SEMA5A: variants seen among roughly 807,000 people sequenced by gnomAD.
SEMA5A encodes the protein semaphorin 5A, also known as semaphorin-5A.
SEMA5A carries 55 observed loss-of-function variants against 135.5 expected under a neutral mutation model. The ratio of observed to expected loss-of-function variants is 0.41; its 90% CI spans 0.33 to 0.51. SEMA5A has a LOEUF of 0.51. Among genes scored for constraint, SEMA5A ranks in the 20% least tolerant of loss-of-function variants. The pLI is 0.37. For synonymous variants in SEMA5A, 580 were observed against 546.5 expected (o/e 1.06, Z -0.85); for missense variants, 1,290 against 1,419.9 (o/e 0.91, Z 1.47).
intron 12 of SEMA5A, among the ~76,000 whole-genome samples, chr5:9,145,806 T>A (rs1173477727): frequency 6.6e-6 from 1 of 150,600 alleles, no homozygotes; most frequent in African/African-American, 2.4e-5. Context: ...ATCCAGCTTT[T>A]TTTTTTTTTT....
chr5:9,415,605 G>A (rs10475467), intron 2 of SEMA5A, among the ~76,000 whole-genome samples: 42,029 of 151,766 alleles, frequency 0.28, 5,913 homozygotes, highest in Middle Eastern at 0.3. Context: ...TTCAACTGGC[G>A]AAGTATCAAA....
At chr5:9,303,036 C>A (rs2150617473) in intron 5 of SEMA5A, among the ~76,000 whole-genome samples, 1 of 151,976 alleles carries the variant, frequency 6.6e-6, no homozygotes, top group African/African-American at 2.4e-5. Flanking sequence ...TGGAAACAAC[C>A]ACTTGCTAAT....
At chr5:9,256,851 G>C (rs1749097640) in intron 5 of SEMA5A, among the ~76,000 whole-genome samples, 1 of 152,226 alleles carries the variant, frequency 6.6e-6, no homozygotes, top group Non-Finnish European at 1.5e-5. Context: ...GTCATCAGGT[G>C]AACCTGGTTT....
intron 11 of SEMA5A, among the ~76,000 whole-genome samples, chr5:9,159,369 T>C (rs115880339): frequency 5.7e-4 from 87 of 152,328 alleles, no homozygotes; most frequent in African/African-American, 2.1e-3. Context: ...TTGTCCTTTT[T>C]TTCTATCCGC....
intron 12 of SEMA5A, among the ~76,000 whole-genome samples, chr5:9,144,840 G>A (rs143359175): frequency 1.5e-4 from 23 of 152,210 alleles, no homozygotes; most frequent in African/African-American, 4.8e-4. Flanking sequence ...GATTTGCCCC[G>A]GCAGAGTCAG....
At chr5:9,461,235 C>T (rs1313185962) in intron 1 of SEMA5A, among the ~76,000 whole-genome samples, 1 of 152,170 alleles carries the variant, frequency 6.6e-6, no homozygotes, top group Non-Finnish European at 1.5e-5. Context: ...AGCTGAATAC[C>T]AGGTATTATT....
At chr5:9,310,919 T>A (rs1752099898) in intron 5 of SEMA5A, among the ~76,000 whole-genome samples, 1 of 151,334 alleles carries the variant, frequency 6.6e-6, no homozygotes, top group South Asian at 2.1e-4. Context: ...GTGTTTAGAT[T>A]TCTTCATATG....
At chr5:9,375,885 C>T (rs1755344093) in intron 3 of SEMA5A, among the ~76,000 whole-genome samples, 1 of 151,890 alleles carries the variant, frequency 6.6e-6, no homozygotes, top group African/African-American at 2.4e-5. Context: ...TCTGGTGGCT[C>T]ACAGGAACTC....
chr5:9,429,497 T>A (rs1407492764), intron 2 of SEMA5A, among the ~76,000 whole-genome samples: 1 of 152,138 alleles, frequency 6.6e-6, no homozygotes, highest in Non-Finnish European at 1.5e-5. Flanking sequence ...GTAAAATTGA[T>A]AAACAAAATA....
intron 2 of SEMA5A, among the ~76,000 whole-genome samples, chr5:9,388,182 G>T (rs1755979552): frequency 6.6e-6 from 1 of 152,062 alleles, no homozygotes; most frequent in Non-Finnish European, 1.5e-5. Flanking sequence ...ATATAAAATG[G>T]AAAAAAGCAA....
At chr5:9,434,139 G>A (rs1757949817) in intron 2 of SEMA5A, among the ~76,000 whole-genome samples, 2 of 152,096 alleles carry the variant, frequency 1.3e-5, no homozygotes, top group Admixed American at 1.3e-4. Context: ...AAAAGAAGCA[G>A]GAAATGACAT....
chr5:9,131,653 AAAAAAC>A (rs2150207266), intron 13 of SEMA5A, among the ~76,000 whole-genome samples: 1 of 49,982 alleles, frequency 2.0e-5, no homozygotes, highest in Non-Finnish European at 4.9e-5. Flanking sequence ...AAAAAAAAAA[AAAAAAC>A]CTGTCATGTG....
intron 8 of SEMA5A, among the ~76,000 whole-genome samples, chr5:9,219,806 A>G (rs1746830888): frequency 6.6e-6 from 1 of 152,164 alleles, no homozygotes; most frequent in Non-Finnish European, 1.5e-5. Flanking sequence ...CCAAGATTGA[A>G]AAACAAAGAA....
intron 5 of SEMA5A, among the ~76,000 whole-genome samples, chr5:9,276,473 T>C (rs981602665): frequency 6.6e-6 from 1 of 152,208 alleles, no homozygotes; most frequent in Non-Finnish European, 1.5e-5. Context: ...AAATTTCATA[T>C]GGAACCAAAA....
chr5:9,437,235 C>T (rs538938815), intron 2 of SEMA5A, among the ~76,000 whole-genome samples: 3 of 152,350 alleles, frequency 2.0e-5, no homozygotes, highest in Admixed American at 1.3e-4. Flanking sequence ...AGCCTTTTCA[C>T]GTCTTCGGGT....
At chr5:9,534,732 G>T (rs1357524018) in intron 1 of SEMA5A, among the ~76,000 whole-genome samples, 1 of 152,182 alleles carries the variant, frequency 6.6e-6, no homozygotes, top group Non-Finnish European at 1.5e-5. Flanking sequence ...AGTGGCAGTG[G>T]CACGGGCAGC....
chr5:9,211,032 G>C (rs1190555614), intron 8 of SEMA5A, among the ~76,000 whole-genome samples: 1 of 152,194 alleles, frequency 6.6e-6, no homozygotes, highest in Non-Finnish European at 1.5e-5. Context: ...ACAAGGCATA[G>C]GCAACTGGCA....
intron 9 of SEMA5A, 33 bp from the exon 10 acceptor site, chr5:9,197,336 G>C (rs763214509): frequency 6.2e-7 from 1 of 1,604,238 alleles, no homozygotes; most frequent in South Asian, 1.1e-5. Flanking sequence ...AAGGCAGTCA[G>C]AGAGCTCGGC....
chr5:9,154,616 G>A lies in SEMA5A; in HGVS notation c.1353C>T (p.Phe451=), dbSNP rs754506915. 9 of 1,614,016 alleles carry A rather than the reference G, an allele frequency of 5.6e-6. No individual in the cohort carries two copies. The South Asian group carries it at 8.8e-5, about 16-fold the overall frequency. The change falls in exon 12 of 23, where the codon TTC becomes TTT. Residue 451 remains phenylalanine (F), a synonymous_variant. Transcript: ENST00000382496. ...SSCLLEEIEL[F]PERRREPIRS... ...TGATGGGCTCCCTCCGCCTCTCAGG[G>A]AAGAGCTCAATCTCTTCCAGCAAAC...
Sources: allele counts gnomAD v4.1 joint callset (sites outside exome capture counted in the v4.1 genomes callset), GRCh38; gene constraint gnomAD v4.1.1; transcripts MANE v1.5; gene names NCBI Gene and HGNC (gene_info 2026-07-23, HGNC 2026-07-21).